CNIH3: variants seen among roughly 807,000 people sequenced by gnomAD.
The protein encoded by CNIH3 is protein cornichon homolog 3.
A neutral mutation model predicts 24.1 loss-of-function variants in CNIH3; 14 were observed. That is an observed-to-expected ratio of 0.58 (90% CI 0.38 to 0.91). CNIH3 has a LOEUF of 0.91. Among genes scored for constraint, CNIH3 ranks in the 40% least tolerant of loss-of-function variants. The probability of loss-of-function intolerance (pLI) is 0.00; values close to 1 mark genes in which losing one functional copy is unlikely to be tolerated. For synonymous variants in CNIH3, 68 were observed against 73.8 expected (o/e 0.92, Z 0.40); for missense variants, 178 against 196.8 (o/e 0.90, Z 0.57).
chr1:224,617,028 T>G lies in CNIH3; in HGVS notation c.-147T>G. 8.5e-6 allele frequency: 12 copies of G among 1,413,082 alleles called. No individual in the cohort carries two copies. The highest frequency in any genetic ancestry group is 1.1e-5 in the Non-Finnish European group (12 of 1,086,436). 87.5% of individuals were successfully genotyped at this position (1,413,082 alleles called of 1,614,324 possible). A position where few individuals can be genotyped will look rare whatever the true frequency, so the allele number is the denominator to read the frequency against. The stretch of plus-strand genomic sequence containing the variant: ...CAGCGCTTATTCGCTGACCCTCGAG[T>G]CGCTTCGCTAGCTGTGCGCCCTCCT... On this transcript the variant is annotated 5_prime_UTR_variant, in exon 1 of 6. Transcript: ENST00000272133.
intron 1 of CNIH3, among the ~76,000 whole-genome samples, chr1:224,455,458 T>C (rs1054118636): frequency 1.3e-5 from 2 of 152,138 alleles, no homozygotes; most frequent in Non-Finnish European, 1.5e-5. Flanking sequence ...TTGTGACTGA[T>C]AGGAAGACTT....
chr1:224,544,822 A>G (rs1679642542), intron 2 of CNIH3, among the ~76,000 whole-genome samples: 3 of 152,202 alleles, frequency 2.0e-5, no homozygotes, highest in African/African-American at 7.2e-5. Flanking sequence ...TGTCACTGCT[A>G]GAATCAAGAA....
intron 1 of CNIH3, among the ~76,000 whole-genome samples, chr1:224,481,448 G>A (rs752169820): frequency 1.2e-4 from 18 of 152,132 alleles, no homozygotes; most frequent in East Asian, 1.9e-4. Flanking sequence ...TTTGGTCAGC[G>A]CAGCCATAGC....
chr1:224,556,238 T>C (rs1680136443), intron 3 of CNIH3, among the ~76,000 whole-genome samples: 2 of 152,000 alleles, frequency 1.3e-5, no homozygotes, highest in African/African-American at 4.8e-5. Flanking sequence ...ATTTCACATG[T>C]GGTTTACTAG....
chr1:224,605,975 G>C (rs1682401445), intron 3 of CNIH3, among the ~76,000 whole-genome samples: 1 of 152,150 alleles, frequency 6.6e-6, no homozygotes, highest in South Asian at 2.1e-4. Context: ...CACTCTGTGG[G>C]ATTCACAAAG....
At chr1:224,546,761 A>ATT (rs1679718928) in intron 2 of CNIH3, 2 of 300,132 alleles carry the variant, frequency 6.7e-6, no homozygotes, top group Non-Finnish European at 9.8e-6. Context: ...TGAAACTCTA[A>ATT]GGTCAGCAGA....
chr1:224,503,560 C>T (rs1411817023), intron 1 of CNIH3, among the ~76,000 whole-genome samples: 1 of 152,234 alleles, frequency 6.6e-6, no homozygotes, highest in East Asian at 1.9e-4. Context: ...CGGGGAAGCC[C>T]GTGTCTCATG....
intron 1 of CNIH3, among the ~76,000 whole-genome samples, chr1:224,670,399 C>T (rs1198594220): frequency 6.6e-6 from 1 of 152,178 alleles, no homozygotes; most frequent in African/African-American, 2.4e-5. Context: ...GTCTAAGGGG[C>T]TCTTTATCCT....
intron 1 of CNIH3, among the ~76,000 whole-genome samples, chr1:224,443,698 G>T (rs885607): frequency 0.28 from 41,075 of 148,518 alleles, 6,997 homozygotes; most frequent in African/African-American, 0.48. Context: ...TATAGATATA[G>T]ATATATATAT....
intron 2 of CNIH3, among the ~76,000 whole-genome samples, chr1:224,524,426 G>A (rs76371868): frequency 6.6e-6 from 1 of 152,176 alleles, no homozygotes; most frequent in Admixed American, 6.5e-5. Context: ...TACTGAGTGT[G>A]TTGGGTTGGT....
At chr1:224,638,392 AC>A (rs1292612741) in intron 1 of CNIH3, among the ~76,000 whole-genome samples, 1 of 152,020 alleles carries the variant, frequency 6.6e-6, no homozygotes, top group Non-Finnish European at 1.5e-5. Context: ...CTCTGTGGAT[AC>A]CCCCGAGTCC....
chr1:224,538,660 TCTC>T (rs1490693830), downstream of CNIH3, among the ~76,000 whole-genome samples: 11 of 146,908 alleles, frequency 7.5e-5, no homozygotes, highest in African/African-American at 2.6e-4. Context: ...TCTCTCTCTC[TCTC>T]TTTTTTTTTT....
chr1:224,502,052 C>T (rs571801656), intron 1 of CNIH3, among the ~76,000 whole-genome samples: 1 of 152,184 alleles, frequency 6.6e-6, no homozygotes, highest in Non-Finnish European at 1.5e-5. Context: ...GCAGAGGATC[C>T]TCTGGGCCTT....
chr1:224,575,167 A>G (rs1680983178), intron 4 of CNIH3: 1 of 1,048,358 alleles, frequency 9.5e-7, no homozygotes, highest in Non-Finnish European at 1.5e-6. Flanking sequence ...AAACACAATA[A>G]AACTACAGCC....
At chr1:224,694,305 G>A (rs569129413) in intron 3 of CNIH3, among the ~76,000 whole-genome samples, 18 of 152,226 alleles carry the variant, frequency 1.2e-4, no homozygotes, top group Non-Finnish European at 2.4e-4. Context: ...GTCACAACCA[G>A]TTTCAAAAAG....
At chr1:224,492,776 A>G (rs755218638) in intron 1 of CNIH3, among the ~76,000 whole-genome samples, 13 of 152,224 alleles carry the variant, frequency 8.5e-5, no homozygotes, top group Non-Finnish European at 1.8e-4. Flanking sequence ...TGGTAATAAC[A>G]TCAGCTCCTG....
At chr1:224,607,293 A>T (rs1028715343) in intron 3 of CNIH3, among the ~76,000 whole-genome samples, 2 of 152,130 alleles carry the variant, frequency 1.3e-5, no homozygotes, top group Admixed American at 1.3e-4. Flanking sequence ...ACACCCAGGA[A>T]AAAGGGACAC....
intron 3 of CNIH3, among the ~76,000 whole-genome samples, chr1:224,554,626 C>T (rs1328859110): frequency 6.6e-6 from 1 of 151,778 alleles, no homozygotes; most frequent in Non-Finnish European, 1.5e-5. Context: ...TTCTGTCACC[C>T]AGACTGGAGT....
At chr1:224,580,841 G>A (rs533740541) in intron 4 of CNIH3, among the ~76,000 whole-genome samples, 1 of 152,000 alleles carries the variant, frequency 6.6e-6, no homozygotes, top group African/African-American at 2.4e-5. Flanking sequence ...AGAGGGAACA[G>A]TTAATTATGT....
Sources: gnomAD v4.1 joint callset for allele counts (sites outside exome capture counted in the v4.1 genomes callset) on GRCh38, gnomAD v4.1.1 for gene constraint, MANE v1.5 for transcripts, NCBI Gene and HGNC (gene_info 2026-07-23, HGNC 2026-07-21) for gene names.